Variants in EBF4 observed in about 807,000 individuals in gnomAD.
EBF4 encodes the protein EBF transcription factor 4, also known as transcription factor COE4.
EBF4 carries 34 observed loss-of-function variants against 67.1 expected under a neutral mutation model. The observed-to-expected ratio is 0.51, with a 90% CI of 0.39 to 0.67. EBF4 has a LOEUF of 0.67. Among genes scored for constraint, EBF4 ranks in the 30% least tolerant of loss-of-function variants. EBF4 has a pLI of 0.00. For synonymous variants in EBF4, 387 were observed against 377.7 expected, an observed-to-expected ratio of 1.02 and a Z score of -0.29; for missense variants, 837 against 873.3, an observed-to-expected ratio of 0.96 and a Z score of 0.52.
chr20:2,757,640 G>A (rs1452411529), intron 15 of EBF4, among the ~76,000 whole-genome samples: 4 of 152,162 alleles, frequency 2.6e-5, no homozygotes, highest in African/African-American at 7.2e-5. Context: ...TGGAGCCCAC[G>A]TTCAAAACAT....
chr20:2,747,632 T>TGTGTGGGAGGAGGATATGCC lies in EBF4; in HGVS notation c.558-916_558-897dup, dbSNP rs1428294904. ...TCCTATGTGTATAATGGATATAAAA[T>TGTGTGGGAGGAGGATATGCC]GTGTGGGAGGAGGATATGCCATGTG... On this transcript the variant is annotated intron_variant, in intron 6 of 16. Coordinates refer to ENST00000609451, the Ensembl canonical transcript of EBF4. The surrounding 1 kb of genome is among the most constrained non-coding windows in gnomAD (Gnocchi z 4.6). 1.3e-5 allele frequency among the ~76,000 whole-genome samples: 2 copies of TGTGTGGGAGGAGGATATGCC among 152,130 alleles called. No homozygotes were observed. Among genetic ancestry groups the TGTGTGGGAGGAGGATATGCC allele is most frequent in the East Asian group, 3.9e-4 (2 of 5,192 alleles).
intron 6 of EBF4, among the ~76,000 whole-genome samples, chr20:2,730,471 C>T (rs1217006141): frequency 5.3e-5 from 8 of 152,160 alleles, no homozygotes; most frequent in Non-Finnish European, 8.8e-5. Flanking sequence ...CCTGCAAAGA[C>T]CCTTTTTCCA....
intron 6 of EBF4, among the ~76,000 whole-genome samples, chr20:2,728,528 G>C (rs191054283): frequency 6.6e-6 from 1 of 152,118 alleles, no homozygotes; most frequent in African/African-American, 2.4e-5. Context: ...GTTCGGGGGC[G>C]GGGGGTTGAA....
chr20:2,706,399 G>T (rs962567445), intron 4 of EBF4, 135 bp downstream of exon 4: 30 of 1,009,506 alleles, frequency 3.0e-5, no homozygotes, highest in Non-Finnish European at 3.9e-5. Context: ...AGCTCCCCCA[G>T]TTCCCACCCC....
intron 1 of EBF4, among the ~76,000 whole-genome samples, 188 bp from the exon 2 acceptor site, chr20:2,705,387 TGA>T (rs1295005376): frequency 6.6e-6 from 1 of 152,180 alleles, no homozygotes; most frequent in Non-Finnish European, 1.5e-5. Flanking sequence ...CCCTAGGTGC[TGA>T]GAGACCTCTA....
At chr20:2,702,284 T>C (rs1354898450) in intron 1 of EBF4, among the ~76,000 whole-genome samples, 6 of 152,074 alleles carry the variant, frequency 3.9e-5, no homozygotes, top group Non-Finnish European at 8.8e-5. Context: ...ATTAATTAGC[T>C]GGGCATGGTG....
chr20:2,742,028 A>G (rs1046985931), intron 6 of EBF4, among the ~76,000 whole-genome samples: 2 of 152,146 alleles, frequency 1.3e-5, no homozygotes, highest in African/African-American at 4.8e-5. Context: ...AATCCCCACA[A>G]CATACTATCC....
chr20:2,704,307 A>C (rs1007463401), intron 1 of EBF4, among the ~76,000 whole-genome samples: 2 of 152,062 alleles, frequency 1.3e-5, no homozygotes, highest in African/African-American at 4.8e-5. Context: ...GGGGCCCCCA[A>C]ATACACCCAT....
intron 7 of EBF4, 67 bp from the exon 8 acceptor site, chr20:2,749,334 C>T (rs1033854061): frequency 7.9e-7 from 1 of 1,263,278 alleles, no homozygotes; most frequent in Non-Finnish European, 1.1e-6. Context: ...GTGCTGGTTC[C>T]CCACCACATT....
At position 2,755,607 on chromosome 20, in the gene EBF4, C is replaced by CAA; in HGVS notation, c.1541-20_1541-19insAA. On this transcript the variant is annotated intron_variant, in intron 14 of 16. Transcript: ENST00000609451. The surrounding 1 kb of genome is among the most constrained non-coding windows in gnomAD (Gnocchi z 4.7). ...ACCACCTTCCCTGCTGCGCCTGCCC[C>CAA]TCCCCGCCCCGCCCCGGAGTCATGC... The CAA allele has an allele frequency of 7.4e-6, 9 of 1,209,620 alleles. No homozygotes were observed. The highest frequency in any genetic ancestry group is 1.5e-5 in the African/African-American group (1 of 66,864). The allele number at this position is 1,209,620 out of a possible 1,614,324, so 74.9% of individuals were successfully genotyped here. A position where few individuals can be genotyped will look rare whatever the true frequency, so the allele number is the denominator to read the frequency against.
downstream of EBF4, chr20:2,760,002 C>T (rs973096211): frequency 5.3e-5 from 8 of 152,294 alleles, no homozygotes; most frequent in African/African-American, 1.7e-4. The surrounding 1 kb of genome is among the most constrained non-coding windows in gnomAD (Gnocchi z 4.2). Flanking sequence ...GGCCCAGCCG[C>T]CCCCCAGGTG....
rs1240451212 is a variant in EBF4, at chr20:2,693,776, C to T, written c.131C>T (p.Ala44Val). Residue 44 changes from alanine (A) to valine (V), a missense_variant, in exon 1 of 17, where the codon GCG becomes GTG. Coordinates refer to ENST00000609451, the Ensembl canonical transcript of EBF4. The surrounding 1 kb of genome is among the most constrained non-coding windows in gnomAD (Gnocchi z 4.6). ...GGCATCCTGGACGCCAGCACCGCGG[C>T]GCAGAGGTAAGCGCTCGGACCGGAC... is the stretch of plus-strand genomic sequence containing the variant. 3 of 1,329,012 alleles carry T rather than the reference C, an allele frequency of 2.3e-6. No individual in the cohort carries two copies. The highest frequency in any genetic ancestry group is 3.1e-5 in the African/African-American group (2 of 64,886). 82.3% of individuals were successfully genotyped at this position (1,329,012 alleles called of 1,614,324 possible).
intron 6 of EBF4, among the ~76,000 whole-genome samples, chr20:2,740,311 TCA>T (rs1491494084): frequency 4.0e-5 from 6 of 148,184 alleles, no homozygotes; most frequent in African/African-American, 1.5e-4. Flanking sequence ...AGACTCCGTT[TCA>T]AAAAAAAAAT....
chr20:2,732,507 C>T (rs893160234), intron 6 of EBF4, among the ~76,000 whole-genome samples: 1 of 152,202 alleles, frequency 6.6e-6, no homozygotes, highest in Non-Finnish European at 1.5e-5. Context: ...CTTTGTCTCT[C>T]ATAATTTTTA....
intron 1 of EBF4, among the ~76,000 whole-genome samples, chr20:2,694,709 C>A (rs945564740): frequency 3.3e-5 from 5 of 152,150 alleles, no homozygotes; most frequent in Non-Finnish European, 2.9e-5. Context: ...CGAAGGGATT[C>A]TGAATGGGGG....
At chr20:2,738,377 T>TC (rs1392661069) in intron 6 of EBF4, among the ~76,000 whole-genome samples, 2 of 151,800 alleles carry the variant, frequency 1.3e-5, no homozygotes, top group South Asian at 2.1e-4. Flanking sequence ...CCATGCCCCA[T>TC]CCCCCCTCCT....
exon 16 of EBF4, chr20:2,758,951 G>A (rs750311419): frequency 2.4e-5 from 37 of 1,551,132 alleles, no homozygotes; most frequent in African/African-American, 4.1e-5. Context: ...TCTCCAGCCC[G>A]GGGGCTTCAG....
chr20:2,728,318 TGTCCAGAGGA>T (rs1490285807), intron 6 of EBF4, among the ~76,000 whole-genome samples: 1 of 152,166 alleles, frequency 6.6e-6, no homozygotes, highest in Non-Finnish European at 1.5e-5. Flanking sequence ...GGTAAGAAAA[TGTCCAGAGGA>T]GTGTAACAAA....
chr20:2,759,048 A>G, intron 16 of EBF4, 64 bp downstream of exon 16: 1 of 1,445,558 alleles, frequency 6.9e-7, no homozygotes, highest in Non-Finnish European at 9.5e-7. Flanking sequence ...CTTGCTCTCT[A>G]AAGGCCTTCA....
Sources: allele counts gnomAD v4.1 joint callset (sites outside exome capture counted in the v4.1 genomes callset), GRCh38; gene constraint gnomAD v4.1.1; non-coding constraint Gnocchi (gnomAD v3.1); transcripts MANE v1.5; gene names NCBI Gene and HGNC (gene_info 2026-07-23, HGNC 2026-07-21).